Variants in RELT observed in about 807,000 individuals in gnomAD.
RELT encodes tumor necrosis factor receptor superfamily member 19L.
In RELT, 37 loss-of-function variants were observed where a neutral mutation model predicts 51.1. The ratio of observed to expected loss-of-function variants is 0.72; its 90% confidence interval spans 0.56 to 0.95. The LOEUF (loss-of-function observed/expected upper bound fraction) is 0.95, where lower values mean the gene tolerates loss of function less well. RELT is among the 40% of genes least tolerant of loss of function. The pLI, the probability that RELT is intolerant of heterozygous loss-of-function variation, is 0.00. For synonymous variants in RELT, 241 were observed against 235.7 expected (o/e 1.02, Z -0.21); for missense variants, 535 against 572.6 (o/e 0.93, Z 0.67).
In RELT at chr11:73,397,127, C is replaced by T. The variant is rs1866331755; in HGVS notation, c.*1636C>T. Reference sequence around the variant, plus strand: ...GCTACCACACTGGTCAGCGCAGCACCTGAGGAAATGCACTGTGTGGAGCCC... The same window carrying T: ...GCTACCACACTGGTCAGCGCAGCACTTGAGGAAATGCACTGTGTGGAGCCC... On this transcript the variant is annotated 3_prime_UTR_variant, in exon 11 of 11. Transcript: ENST00000064780. The T allele has an allele frequency of 1.3e-5, 2 of 152,272 alleles. No individual in the cohort carries two copies. The highest frequency in any genetic ancestry group is 4.8e-5 in the African/African-American group (2 of 41,458). The allele number at this position is 152,272 out of a possible 1,614,324, so 9.4% of individuals were successfully genotyped here.
chr11:73,383,841 A>G (rs1866084068), intron 1 of RELT, among the ~76,000 whole-genome samples: 1 of 152,238 alleles, frequency 6.6e-6, no homozygotes, highest in East Asian at 1.9e-4. Context: ...GAAGAGGGAA[A>G]GCCACTCAGC....
At position 73,394,640 on chromosome 11, in the gene RELT, C is replaced by T. The variant is rs746120178; in HGVS notation, c.952C>T (p.Pro318Ser). ...LSPEAVAATTPVPSLLPNPTR... is the reference protein window; with the variant it reads ...LSPEAVAATTSVPSLLPNPTR... Reference sequence around the variant, plus strand: ...CCCTGAGGCTGTAGCCGCCACTACTCCTGTTCCCAGCCTTCTGCCTAACCC... The same window carrying T: ...CCCTGAGGCTGTAGCCGCCACTACTTCTGTTCCCAGCCTTCTGCCTAACCC... The change falls in exon 9 of 11, where the codon CCT becomes TCT. Residue 318 changes from proline (P) to serine (S), a missense_variant. Pro to Ser is a moderately conservative substitution (Grantham distance 74). Transcript: ENST00000064780. This position sits in a 1 kb window ranked among gnomAD's most constrained non-coding sequence, Gnocchi z 4.9. 4 of 1,613,856 alleles carry T rather than the reference C, an allele frequency of 2.5e-6. No homozygotes were observed. The highest frequency in any genetic ancestry group is 3.4e-6 in the Non-Finnish European group (4 of 1,180,018).
rs558700214 is a variant in RELT, at chr11:73,380,644, T to G, written c.-26+4145T>G. Reference sequence around the variant, plus strand: ...GGAGGTGAGGGTCGAGGGGTTTGTCTGACAATTCTAACATTAGTTTCTCAA... The same window carrying G: ...GGAGGTGAGGGTCGAGGGGTTTGTCGGACAATTCTAACATTAGTTTCTCAA... On this transcript the variant is annotated intron_variant, in intron 1 of 10. Transcript: ENST00000064780. Among the ~76,000 whole-genome samples the G allele has an allele frequency of 2.0e-5, 3 of 152,268 alleles. No homozygotes were observed. The South Asian group carries it at 6.2e-4, about 32-fold the overall frequency.
intron 1 of RELT, among the ~76,000 whole-genome samples, chr11:73,379,716 A>C (rs569531549): frequency 6.6e-6 from 1 of 152,198 alleles, no homozygotes; most frequent in East Asian, 1.9e-4. Flanking sequence ...GGCCTGCCTC[A>C]TATTCCAGCT....
intron 1 of RELT, among the ~76,000 whole-genome samples, chr11:73,382,834 C>A (rs1440969292): frequency 6.6e-6 from 1 of 152,196 alleles, no homozygotes; most frequent in Non-Finnish European, 1.5e-5. Context: ...TGTCTGGTCT[C>A]AGACATCCCT....
In RELT at chr11:73,392,281, G is replaced by T; in HGVS notation, c.438G>T (p.Gln146His). Reference protein sequence around the residue: ...AGASSGGETRQPGNGTRAGGP... With the variant: ...AGASSGGETRHPGNGTRAGGP... ...CCAGCAGCGGTGGTGAGACACGGCA[G>T]CCTGGGAACGGCACCCGGGCAGGTG... Residue 146 changes from glutamine (Q) to histidine (H), a missense_variant, in exon 6 of 11, where the codon CAG becomes CAT. Gln to His is a conservative substitution (Grantham distance 24, BLOSUM62 0). Transcript: ENST00000064780. 1 of 1,613,106 alleles carries T rather than the reference G, an allele frequency of 6.2e-7. No homozygotes were observed.
chr11:73,394,281 A>G lies in RELT; in HGVS notation c.752A>G (p.Lys251Arg), dbSNP rs972524936. ...GAGCTGCTGAAAGAGTACCACAGCA[A>G]ACAGCTGGTGCAGACGAGCCACAGG... ...LEELLKEYHSKQLVQTSHRPV... is the reference protein window; with the variant it reads ...LEELLKEYHSRQLVQTSHRPV... The change falls in exon 8 of 11, where the codon AAA becomes AGA. Residue 251 changes from lysine to arginine, a missense_variant. Lys to Arg is a conservative substitution (Grantham distance 26, BLOSUM62 2). Transcript: ENST00000064780. The surrounding 1 kb of genome is among the most constrained non-coding windows in gnomAD (Gnocchi z 4.9). 6.2e-7 allele frequency: 1 copy of G among 1,612,460 alleles called. No individual in the cohort carries two copies. Among genetic ancestry groups the G allele is most frequent in the Non-Finnish European group, 8.5e-7 (1 of 1,179,778 alleles).
chr11:73,391,216 C>T lies in RELT; in HGVS notation c.360C>T (p.Gly120=), dbSNP rs752667683. ...CCTGGGCACCTCTGGGTACTCATGG[C>T]TGTGATGGTGAGTGGCAGACTGGGG... The part of the protein sequence containing the change: ...PCSWAPLGTH[G]CDEWGRRARR... The change falls in exon 5 of 11, where the codon GGC becomes GGT. Residue 120 remains glycine (G), a synonymous_variant. Transcript: ENST00000064780. The T allele has an allele frequency of 5.0e-6, 8 of 1,613,680 alleles. No homozygotes were observed. The highest frequency in any genetic ancestry group is 6.8e-6 in the Non-Finnish European group (8 of 1,179,740).
chr11:73,394,569 G>C lies in RELT; in HGVS notation c.881G>C (p.Cys294Ser). 1 of 1,612,588 alleles carries C rather than the reference G, an allele frequency of 6.2e-7. No homozygotes were observed. The highest frequency in any genetic ancestry group is 8.5e-7 in the Non-Finnish European group (1 of 1,179,998). The change falls in exon 9 of 11, where the codon TGC becomes TCC. Residue 294 changes from cysteine (C) to serine (S), a missense_variant. Physicochemically the swap from Cys to Ser is moderately radical, Grantham distance 112. Transcript: ENST00000064780. This position sits in a 1 kb window ranked among gnomAD's most constrained non-coding sequence, Gnocchi z 4.9. ...GGCCTGGCCTCGCTCTCTGGCCCCT[G>C]CTGCTCCCGCTGTAGCCAGAAGAAG... is the stretch of plus-strand genomic sequence containing the variant. ...VQGLASLSGP[C>S]CSRCSQKKWP...
intron 5 of RELT, 46 bp downstream of exon 5, chr11:73,391,269 G>A (rs755059909): frequency 6.4e-6 from 10 of 1,552,626 alleles, no homozygotes; most frequent in African/African-American, 2.7e-5. Flanking sequence ...GTATGTGCGG[G>A]AGGGGCCAGT....
intron 2 of RELT, 95 bp from the exon 3 acceptor site, chr11:73,390,456 C>T: frequency 8.5e-7 from 1 of 1,169,608 alleles, no homozygotes; most frequent in Non-Finnish European, 1.3e-6. Context: ...GTGGTCCCTA[C>T]CACTGGGGTT....
At chr11:73,391,104 G>A in intron 4 of RELT, 40 bp from the exon 5 acceptor site, 4 of 1,598,848 alleles carry the variant, frequency 2.5e-6, no homozygotes, top group Non-Finnish European at 3.4e-6. Flanking sequence ...TAGTGTTTGG[G>A]GAAACTTCTG....
intron 6 of RELT, chr11:73,393,617 C>T (rs1482489896): frequency 6.6e-7 from 1 of 1,506,528 alleles, no homozygotes; most frequent in East Asian, 2.6e-5. Flanking sequence ...TGCACCCGGG[C>T]TGTTGGGTGC....
intron 1 of RELT, among the ~76,000 whole-genome samples, chr11:73,386,389 GT>G (rs925921659): frequency 9.2e-5 from 14 of 152,282 alleles, no homozygotes; most frequent in African/African-American, 3.1e-4. Flanking sequence ...CCATCTAACT[GT>G]TTTTTTGGTC....
In RELT at chr11:73,377,177, GTGA is replaced by G. The variant is rs754852350; in HGVS notation, c.-26+679_-26+681del. On this transcript the variant is annotated intron_variant, in intron 1 of 10. Coordinates refer to ENST00000064780, the MANE Select transcript of RELT (RefSeq NM_152222.2). The stretch of plus-strand genomic sequence containing the variant: ...CGCAGGGCCAGGGCCACCCGTTACT[GTGA>G]GTGTGAAATAGAGGGAGAGGAGCCC... Among the ~76,000 whole-genome samples the G allele has an allele frequency of 1.2e-3, 184 of 152,328 alleles. 2 individuals carry two copies. Among genetic ancestry groups the G allele is most frequent in the Non-Finnish European group, 1.6e-3 (108 of 68,018 alleles).
In RELT at chr11:73,394,663, C is replaced by A. The variant is rs768837974; in HGVS notation, c.975C>A (p.Asn325Lys). 2 of 1,613,810 alleles carry A rather than the reference C, an allele frequency of 1.2e-6. No individual in the cohort carries two copies. Among genetic ancestry groups the A allele is most frequent in the Admixed American group, 1.7e-5 (1 of 60,030 alleles). ...ATTPVPSLLP[N>K]PTRVPKAGAK... ...CTCCTGTTCCCAGCCTTCTGCCTAA[C>A]CCGACCAGGGTTCCCAAGGCCGGGG... Residue 325 changes from asparagine (N) to lysine (K), a missense_variant, in exon 9 of 11, where the codon AAC becomes AAA. Physicochemically the swap from Asn to Lys is moderately conservative, Grantham distance 94 (BLOSUM62 0). Coordinates refer to ENST00000064780, the MANE Select transcript of RELT (RefSeq NM_152222.2). This position sits in a 1 kb window ranked among gnomAD's most constrained non-coding sequence, Gnocchi z 4.9.
At position 73,392,380 on chromosome 11, in the gene RELT, C is replaced by T. The variant is rs779811104; in HGVS notation, c.537C>T (p.Gly179=). 6.8e-6 allele frequency: 11 copies of T among 1,613,758 alleles called. No individual in the cohort carries two copies. The highest frequency in any genetic ancestry group is 8.5e-6 in the Non-Finnish European group (10 of 1,179,946). The part of the protein sequence containing the change: ...VPVFCLMGLL[G]ILVCNLLKRK... ...TCTTCTGCCTCATGGGGCTGTTGGG[C>T]ATCCTGGTGTGCAACCTCCTCAAGC... is the stretch of plus-strand genomic sequence containing the variant. Residue 179 remains glycine, a synonymous_variant, in exon 6 of 11, where the codon GGC becomes GGT. Transcript: ENST00000064780.
rs1171257708 is a variant in RELT at position 73,393,577 on chromosome 11, A to G, written c.626-260A>G. 7 of 1,439,430 alleles carry G rather than the reference A, an allele frequency of 4.9e-6. No homozygotes were observed. In the African/African-American group the frequency reaches 9.9e-5, roughly 20 times the overall value. The allele number at this position is 1,439,430 out of a possible 1,614,324, so 89.2% of individuals were successfully genotyped here. On this transcript the variant is annotated intron_variant, in intron 6 of 10. Coordinates refer to ENST00000064780, the MANE Select transcript of RELT (RefSeq NM_152222.2). ...GCCCCCTCGCCCGCCCAATTCAATG[A>G]CTGGAGTTCACGTGGCCCTGAAGCC...
At position 73,388,008 on chromosome 11, in the gene RELT, C is replaced by T. The variant is rs538752986; in HGVS notation, c.-25-1104C>T. On this transcript the variant is annotated intron_variant, in intron 1 of 10. Transcript: ENST00000064780. The surrounding 1 kb of genome is among the most constrained non-coding windows in gnomAD (Gnocchi z 4.1). ...TACACAGCGGACTTCCTTGCTCTGCCACCTGTCCCTTCTGCTGTCTGATGT... is the reference window on the plus strand; with the variant it reads ...TACACAGCGGACTTCCTTGCTCTGCTACCTGTCCCTTCTGCTGTCTGATGT... Among the ~76,000 whole-genome samples the T allele has an allele frequency of 1.3e-5, 2 of 152,316 alleles. No individual in the cohort carries two copies. Among genetic ancestry groups the T allele is most frequent in the East Asian group, 3.9e-4 (2 of 5,178 alleles).
Sources: gnomAD v4.1 joint callset for allele counts (sites outside exome capture counted in the v4.1 genomes callset) on GRCh38, gnomAD v4.1.1 for gene constraint, Gnocchi (gnomAD v3.1) non-coding constraint, MANE v1.5 for transcripts, NCBI Gene and HGNC (gene_info 2026-07-23, HGNC 2026-07-21) for gene names.